FBXO11: variants seen among roughly 807,000 people sequenced by gnomAD.
FBXO11 encodes F-box only protein 11.
In FBXO11, 13 loss-of-function variants were observed where a neutral mutation model predicts 117.0. That is an observed-to-expected ratio of 0.11 (90% CI 0.07 to 0.18). The LOEUF is 0.18. Among genes scored for constraint, FBXO11 ranks in the 10% least tolerant of loss-of-function variants. The pLI is 1.00. For missense variants in FBXO11, 767 were observed against 1,164.4 expected (o/e 0.66, Z 4.97); for synonymous variants, 490 against 380.5 (o/e 1.29, Z -3.35).
At chr2:47,816,984 T>A (rs1671048107) in intron 16 of FBXO11, among the ~76,000 whole-genome samples, 1 of 152,202 alleles carries the variant, frequency 6.6e-6, no homozygotes, top group Non-Finnish European at 1.5e-5. Context: ...GAGATCAGCT[T>A]GCCCTTTGAA....
rs763836515 is a variant in FBXO11, at chr2:47,900,627, TAC to T, written c.232+4860_232+4861del. ...GTATACACACGTATATACACACGTA[TAC>T]ACACACGTACGTATATACACACGTA... On this transcript the variant is annotated intron_variant, in intron 1 of 22. Coordinates refer to ENST00000403359, the MANE Select transcript of FBXO11 (RefSeq NM_001190274.2). Among the ~76,000 whole-genome samples the T allele has an allele frequency of 4.4e-4, 18 of 40,930 alleles. 1 individual carries two copies. The highest frequency in any genetic ancestry group is 9.4e-3 in the East Asian group (2 of 212). The allele number at this position is 40,930 out of a possible 152,430, so 26.9% of individuals were successfully genotyped here.
At chr2:47,839,093 CTT>C (rs368463059) in intron 3 of FBXO11, 90 bp from the exon 4 acceptor site, 588 of 1,081,618 alleles carry the variant, frequency 5.4e-4, no homozygotes, top group Middle Eastern at 1.3e-3. Context: ...TAATGAATAG[CTT>C]TTTTTTTTTG....
Position 47,839,624 on chromosome 2 carries a change from A to C in FBXO11, c.360+18T>G. On this transcript the variant is annotated intron_variant, in intron 2 of 22. Coordinates refer to ENST00000403359, the MANE Select transcript of FBXO11 (RefSeq NM_001190274.2). ...ATTCTTTCATTACAAAAAGAAAAGC[A>C]ACTACAGTTAAAGTTACCTCCATAC... is the stretch of plus-strand genomic sequence containing the variant. 1 of 1,606,316 alleles carries C rather than the reference A, an allele frequency of 6.2e-7. No homozygotes were observed. Among genetic ancestry groups the C allele is most frequent in the Non-Finnish European group, 8.5e-7 (1 of 1,178,248 alleles).
intron 1 of FBXO11, among the ~76,000 whole-genome samples, chr2:47,856,157 A>G (rs1238458005): frequency 6.6e-6 from 1 of 152,210 alleles, no homozygotes; most frequent in Non-Finnish European, 1.5e-5. Flanking sequence ...TTTAACTCAG[A>G]AAATGCAAGT....
intron 20 of FBXO11, 51 bp from the exon 21 acceptor site, chr2:47,809,317 A>G (rs374047408): frequency 2.1e-4 from 251 of 1,206,758 alleles, no homozygotes; most frequent in African/African-American, 4.2e-4. Flanking sequence ...TTAATATTTT[A>G]AAAACCAAAG....
chr2:47,892,054 C>T (rs868702949), intron 1 of FBXO11, among the ~76,000 whole-genome samples: 1 of 152,062 alleles, frequency 6.6e-6, no homozygotes, highest in African/African-American at 2.4e-5. Flanking sequence ...ATATTTTCTC[C>T]CATTTCATAG....
rs184656228 is a variant in FBXO11 at position 47,903,416 on chromosome 2, G to A, written c.232+2073C>T. On this transcript the variant is annotated intron_variant, in intron 1 of 22. Coordinates refer to ENST00000403359, the MANE Select transcript of FBXO11 (RefSeq NM_001190274.2). ...GGTACATACTGAAATTTGGATTCAT[G>A]AATATTGACAGTTTATAGACATCAA... Among the ~76,000 whole-genome samples, 700 of 152,254 alleles carry A rather than the reference G, an allele frequency of 4.6e-3. 5 individuals are homozygous for A. The highest frequency in any genetic ancestry group is 0.016 in the African/African-American group (670 of 41,528).
At position 47,809,629 on chromosome 2, in the gene FBXO11, A is replaced by G. The variant is rs980079107; in HGVS notation, c.2417T>C (p.Leu806Ser). Residue 806 changes from leucine (L) to serine (S), a missense_variant, in exon 20 of 23, where the codon TTA (leucine) becomes TCA (serine). Transcript: ENST00000403359. ...CATTGTCACATTAACACCAGATGCT[A>G]AAAATAAGCCTCCAAACCGGTTGTT... ...IFNNRFGGLF[L>S]ASGVNVTMKD... is the part of the protein sequence containing the mutation. 6.2e-7 allele frequency: 1 copy of G among 1,613,130 alleles called. No individual in the cohort carries two copies. The highest frequency in any genetic ancestry group is 1.3e-5 in the African/African-American group (1 of 74,896).
chr2:47,830,222 A>G (rs1558421162), intron 11 of FBXO11, among the ~76,000 whole-genome samples: 1 of 152,188 alleles, frequency 6.6e-6, no homozygotes, highest in Non-Finnish European at 1.5e-5. Flanking sequence ...AAAAAACCCA[A>G]TGTGATCTCA....
chr2:47,868,455 G>A (rs1675365302), intron 1 of FBXO11, among the ~76,000 whole-genome samples: 1 of 151,966 alleles, frequency 6.6e-6, no homozygotes, highest in African/African-American at 2.4e-5. Flanking sequence ...GCAAATTCAT[G>A]TACTTTATTT....
chr2:47,826,454 A>C (rs1671763653), intron 11 of FBXO11, among the ~76,000 whole-genome samples: 1 of 152,150 alleles, frequency 6.6e-6, no homozygotes, highest in South Asian at 2.1e-4. Context: ...CTTTTGATTC[A>C]CATCTATTTT....
intron 1 of FBXO11, among the ~76,000 whole-genome samples, chr2:47,865,385 A>G (rs1675119544): frequency 2.0e-5 from 3 of 152,240 alleles, no homozygotes. Flanking sequence ...ATGTTCTAAA[A>G]GAAAGAAAGA....
chr2:47,834,002 A>C (rs2104818549), intron 7 of FBXO11, among the ~76,000 whole-genome samples: 1 of 152,218 alleles, frequency 6.6e-6, no homozygotes, highest in African/African-American at 2.4e-5. Flanking sequence ...TGAAAAAGCT[A>C]TTTTTCTTCG....
At chr2:47,810,619 G>A in intron 18 of FBXO11, 193 bp from the exon 19 acceptor site, 1 of 477,878 alleles carries the variant, frequency 2.1e-6, no homozygotes, top group Non-Finnish European at 3.7e-6. Context: ...TACAATGACA[G>A]GTAAGAGCAT....
At chr2:47,863,055 C>CAAAAAAAAAAAAAAA (rs763187950) in intron 1 of FBXO11, among the ~76,000 whole-genome samples, 2 of 73,970 alleles carry the variant, frequency 2.7e-5, no homozygotes, top group Non-Finnish European at 5.4e-5. Context: ...AACTGTGTCT[C>CAAAAAAAAAAAAAAA]AAAAAAAAAA....
chr2:47,847,656 T>C (rs1351329415), intron 1 of FBXO11, among the ~76,000 whole-genome samples: 3 of 150,874 alleles, frequency 2.0e-5, no homozygotes, highest in Non-Finnish European at 4.4e-5. Context: ...TAAGCCAAGA[T>C]CACACCCACT....
rs980397530 is a variant in FBXO11 at position 47,906,414 on chromosome 2, C to G, written c.-694G>C. Among the ~76,000 whole-genome samples, 2 of 152,198 alleles carry G rather than the reference C, an allele frequency of 1.3e-5. No individual in the cohort carries two copies. Among genetic ancestry groups the G allele is most frequent in the African/African-American group, 4.8e-5 (2 of 41,460 alleles). ...CTCCTTAAAGGAACCTTTCCTCCTC[C>G]TCCTCGTCAGCCCTGTCGCCGCTGC... On this transcript the variant is annotated 5_prime_UTR_variant, in exon 1 of 23. Transcript: ENST00000403359.
Position 47,832,414 on chromosome 2 carries a change from T to C in FBXO11, c.1333A>G (p.Ile445Val), listed in dbSNP as rs535639042. Residue 445 changes from isoleucine to valine, a missense_variant, in exon 11 of 23, where the codon ATT becomes GTT. Ile to Val is a conservative substitution (Grantham distance 29, BLOSUM62 3). Transcript: ENST00000403359. ...TGATGAATATGATTCCGTCTAATAA[T>C]TGGGTTTCCATGATTTTTAACCCAA... ...GIWVKNHGNP[I>V]IRRNHIHHGR... 6 of 1,613,744 alleles carry C rather than the reference T, an allele frequency of 3.7e-6. No homozygotes were observed. Among genetic ancestry groups the C allele is most frequent in the South Asian group, 2.2e-5 (2 of 91,058 alleles).
At chr2:47,838,480 A>ACCC (rs1672763554) in intron 4 of FBXO11, among the ~76,000 whole-genome samples, 2 of 152,154 alleles carry the variant, frequency 1.3e-5, no homozygotes, top group African/African-American at 4.8e-5. Flanking sequence ...AAAGGGCATG[A>ACCC]ATTATTTAAA....
Sources: gnomAD v4.1 joint callset for allele counts (sites outside exome capture counted in the v4.1 genomes callset) on GRCh38, gnomAD v4.1.1 for gene constraint, MANE v1.5 for transcripts, NCBI Gene and HGNC (gene_info 2026-07-23, HGNC 2026-07-21) for gene names.